The following SLC24A2 variants were observed in gnomAD, a reference collection of about 807,000 sequenced individuals.
SLC24A2 encodes the protein solute carrier family 24 member 2.
SLC24A2 carries 36 observed loss-of-function variants against 62.0 expected under a neutral mutation model. The observed-to-expected ratio is 0.58, with a 90% confidence interval of 0.44 to 0.77. The LOEUF is 0.77. SLC24A2 is among the 30% of genes least tolerant of loss of function. The pLI is 0.00. For missense variants in SLC24A2, 846 were observed against 817.9 expected (o/e 1.03, Z -0.42); for synonymous variants, 358 against 294.0 (o/e 1.22, Z -2.23).
At chr9:19,794,480 T>C in the SLC24A2 span, among the ~76,000 whole-genome samples, 473 of 151,962 alleles carry the variant, frequency 3.1e-3, 2 homozygotes, top group African/African-American at 0.011. Flanking sequence ...AGGGTGAGGA[T>C]TGCTGATTAC....
At chr9:19,826,442 T>C in the SLC24A2 span, among the ~76,000 whole-genome samples, 1 of 152,126 alleles carries the variant, frequency 6.6e-6, no homozygotes, top group African/African-American at 2.4e-5. Context: ...TTGTCTTACT[T>C]GATTCATGCT....
chr9:20,050,267 T>G, the SLC24A2 span, among the ~76,000 whole-genome samples: 504 of 145,602 alleles, frequency 3.5e-3, 1 homozygote, highest in African/African-American at 0.012. Context: ...AAAAAAAAAT[T>G]TAGCCGGTCA....
chr9:19,786,908 C>T lies in SLC24A2; in HGVS notation c.-42G>A. 6.3e-7 allele frequency: 1 copy of T among 1,599,998 alleles called. No homozygotes were observed. Among genetic ancestry groups the T allele is most frequent in the Non-Finnish European group, 8.5e-7 (1 of 1,179,204 alleles). ...GATATGGTGATCTTCCAACTTTAGA[C>T]TCAACCAGATGGTTCTTTCATACTT... On this transcript the variant is annotated 5_prime_UTR_variant, in exon 2 of 11. Coordinates refer to ENST00000341998, the MANE Select transcript of SLC24A2 (RefSeq NM_020344.4). This position sits in a 1 kb window ranked among gnomAD's most constrained non-coding sequence, Gnocchi z 5.0.
At chr9:19,693,123 A>G (rs543733758) in intron 2 of SLC24A2, among the ~76,000 whole-genome samples, 1 of 152,182 alleles carries the variant, frequency 6.6e-6, no homozygotes, top group East Asian at 1.9e-4. Context: ...TTATTCTTTA[A>G]GTTCCAGGGT....
In SLC24A2 at chr9:19,516,278, T is replaced by C. The variant is rs142273687; in HGVS notation, c.1861A>G (p.Ile621Val). The C allele has an allele frequency of 4.3e-5, 70 of 1,613,760 alleles. 1 individual carries two copies. The highest frequency in any genetic ancestry group is 5.5e-5 in the South Asian group (5 of 91,006). The change falls in exon 11 of 11, where the codon ATC (isoleucine) becomes GTC (valine). Residue 621 changes from isoleucine to valine, a missense_variant. By Grantham distance (29) the Ile-to-Val change is conservative (BLOSUM62 3). Coordinates refer to ENST00000341998, the MANE Select transcript of SLC24A2 (RefSeq NM_020344.4). The part of the protein sequence containing the change: ...FIMLLFVILS[I>V]ALCKWRMNKI... ...TTCATTCGCCACTTGCAGAGGGCGA[T>C]AGAGAGGATGACGAAGAGCAGCATG...
chr9:19,960,921 T>C, the SLC24A2 span, among the ~76,000 whole-genome samples: 1 of 152,088 alleles, frequency 6.6e-6, no homozygotes, highest in South Asian at 2.1e-4. Flanking sequence ...ATTCAGCAAA[T>C]ATATCTATTA....
At position 19,551,678 on chromosome 9, in the gene SLC24A2, C is replaced by T. The variant is rs373903614; in HGVS notation, c.1348-1410G>A. Among the ~76,000 whole-genome samples, 75 of 152,300 alleles carry T rather than the reference C, an allele frequency of 4.9e-4. 1 individual carries two copies. The highest frequency in any genetic ancestry group is 1.7e-3 in the African/African-American group (71 of 41,556). On this transcript the variant is annotated intron_variant, in intron 7 of 10. Coordinates refer to ENST00000341998, the MANE Select transcript of SLC24A2 (RefSeq NM_020344.4). Reference sequence around the variant, plus strand: ...ACACTTTTCAAACAGTAACAGCGCCCCCCTCCAGCACCTGTGTCCCTACAG... The same window carrying T: ...ACACTTTTCAAACAGTAACAGCGCCTCCCTCCAGCACCTGTGTCCCTACAG...
intron 2 of SLC24A2, among the ~76,000 whole-genome samples, chr9:19,668,427 C>A (rs1819319436): frequency 6.6e-6 from 1 of 152,186 alleles, no homozygotes; most frequent in African/African-American, 2.4e-5. Context: ...AGATTGGGAC[C>A]AATTTCCTCA....
intron 2 of SLC24A2, among the ~76,000 whole-genome samples, chr9:19,700,963 T>C (rs1199439030): frequency 1.3e-5 from 2 of 152,314 alleles, no homozygotes; most frequent in South Asian, 4.1e-4. Flanking sequence ...TGTACACAAA[T>C]AGATATCCAA....
chr9:19,764,844 G>T (rs950306025), intron 2 of SLC24A2, among the ~76,000 whole-genome samples: 1 of 152,142 alleles, frequency 6.6e-6, no homozygotes, highest in Non-Finnish European at 1.5e-5. Flanking sequence ...ATCAAGTCCT[G>T]AATATCTCTG....
the SLC24A2 span, among the ~76,000 whole-genome samples, chr9:20,219,915 T>A: frequency 6.6e-6 from 1 of 152,196 alleles, no homozygotes; most frequent in Admixed American, 6.5e-5. Context: ...TATCCAGCAC[T>A]ATACTATACA....
At chr9:19,828,957 A>G in the SLC24A2 span, among the ~76,000 whole-genome samples, 1 of 152,202 alleles carries the variant, frequency 6.6e-6, no homozygotes, top group East Asian at 1.9e-4. Flanking sequence ...CCAGATCCCT[A>G]ATGGACACCC....
chr9:20,155,925 T>G, the SLC24A2 span, among the ~76,000 whole-genome samples: 2 of 151,810 alleles, frequency 1.3e-5, no homozygotes, highest in Non-Finnish European at 2.9e-5. Context: ...CAATAAAAAC[T>G]AAATACAACA....
At chr9:20,144,074 C>T in the SLC24A2 span, among the ~76,000 whole-genome samples, 2 of 152,148 alleles carry the variant, frequency 1.3e-5, no homozygotes, top group African/African-American at 4.8e-5. Flanking sequence ...AAGCAAATGG[C>T]TTGGTGGCCA....
At chr9:19,791,652 C>G (rs945481694), upstream of SLC24A2, among the ~76,000 whole-genome samples, 4 of 152,188 alleles carry the variant, frequency 2.6e-5, no homozygotes, top group Non-Finnish European at 1.5e-5. Flanking sequence ...AATCACACTA[C>G]GTGGAAGCAG....
chr9:19,787,744 A>C (rs1005475879), intron 1 of SLC24A2, among the ~76,000 whole-genome samples: 13 of 152,294 alleles, frequency 8.5e-5, no homozygotes, highest in Admixed American at 7.8e-4. Context: ...TTAAAAAAAC[A>C]ACCTTTAGTC....
At chr9:19,765,778 G>T (rs1822496547) in intron 2 of SLC24A2, among the ~76,000 whole-genome samples, 1 of 152,004 alleles carries the variant, frequency 6.6e-6, no homozygotes, top group South Asian at 2.1e-4. Context: ...TGTGTTTTGG[G>T]GTTGCTCTTC....
chr9:19,589,645 A>C (rs185717064), intron 5 of SLC24A2, among the ~76,000 whole-genome samples: 13 of 152,334 alleles, frequency 8.5e-5, no homozygotes, highest in African/African-American at 3.1e-4. Flanking sequence ...TATCTAATGT[A>C]CTATTTGCTA....
the SLC24A2 span, among the ~76,000 whole-genome samples, chr9:19,859,056 T>C: frequency 2.0e-5 from 3 of 152,170 alleles, no homozygotes; most frequent in Admixed American, 2.0e-4. Flanking sequence ...TACATGTTCA[T>C]TGCAGCACTA....
Sources: gnomAD v4.1 joint callset for allele counts (sites outside exome capture counted in the v4.1 genomes callset) on GRCh38, gnomAD v4.1.1 for gene constraint, Gnocchi (gnomAD v3.1) non-coding constraint, MANE v1.5 for transcripts, NCBI Gene and HGNC (gene_info 2026-07-23, HGNC 2026-07-21) for gene names.